Variants in CRY1 observed in about 807,000 individuals in gnomAD.
The protein encoded by CRY1 is cryptochrome-1.
A neutral mutation model predicts 76.0 loss-of-function variants in CRY1; 45 were observed. The observed-to-expected ratio is 0.59, with a 90% CI of 0.47 to 0.76. CRY1 has a LOEUF of 0.76. Among genes scored for constraint, CRY1 ranks in the 30% least tolerant of loss-of-function variants. The pLI is 0.00. For synonymous variants in CRY1, 248 were observed against 244.0 expected (o/e 1.02, Z -0.15); for missense variants, 587 against 716.4 (o/e 0.82, Z 2.06).
chr12:107,001,434 G>A (rs1392967276), intron 4 of CRY1, 66 bp from the exon 5 acceptor site: 3 of 1,338,472 alleles, frequency 2.2e-6, no homozygotes, highest in African/African-American at 1.5e-5. Flanking sequence ...CCCAATAACT[G>A]GGAGAACAAA....
intron 12 of CRY1, 159 bp downstream of exon 12, chr12:106,992,628 T>C: frequency 1.6e-6 from 1 of 636,622 alleles, no homozygotes. Flanking sequence ...TGCATGTCTC[T>C]TGACCAAAAA....
At chr12:107,005,019 C>T (rs1436418930) in intron 3 of CRY1, 87 bp downstream of exon 3, 103 of 1,267,500 alleles carry the variant, frequency 8.1e-5, no homozygotes, top group Non-Finnish European at 1.1e-4. Flanking sequence ...TAGTTAATAC[C>T]ACCGAACTAT....
chr12:107,059,369 A>G (rs759593567), intron 1 of CRY1, among the ~76,000 whole-genome samples: 2 of 152,118 alleles, frequency 1.3e-5, no homozygotes, highest in Non-Finnish European at 2.9e-5. Flanking sequence ...CTTCTGCCTC[A>G]GCCTCCTGAG....
chr12:107,002,441 A>G (rs1952322864), intron 3 of CRY1, among the ~76,000 whole-genome samples: 1 of 152,224 alleles, frequency 6.6e-6, no homozygotes, highest in Non-Finnish European at 1.5e-5. Flanking sequence ...ACAACACATT[A>G]TGGGATACAT....
At chr12:107,015,968 T>C (rs1952493682) in intron 2 of CRY1, among the ~76,000 whole-genome samples, 1 of 152,218 alleles carries the variant, frequency 6.6e-6, no homozygotes, top group South Asian at 2.1e-4. Flanking sequence ...TTTTTGTGTA[T>C]CACAATTACT....
At chr12:107,023,670 G>A (rs1367116784) in intron 1 of CRY1, among the ~76,000 whole-genome samples, 1 of 152,112 alleles carries the variant, frequency 6.6e-6, no homozygotes, top group African/African-American at 2.4e-5. Flanking sequence ...ATTTTTATGA[G>A]GATGTTAAAG....
At chr12:107,037,651 T>C (rs537150323) in intron 1 of CRY1, among the ~76,000 whole-genome samples, 8 of 152,274 alleles carry the variant, frequency 5.3e-5, no homozygotes, top group Admixed American at 2.0e-4. Context: ...TTGAAAGCTT[T>C]TGAGCAGAGG....
At chr12:107,057,158 T>C (rs1952994092) in intron 1 of CRY1, among the ~76,000 whole-genome samples, 1 of 152,138 alleles carries the variant, frequency 6.6e-6, no homozygotes, top group African/African-American at 2.4e-5. Context: ...GAGCAAATAG[T>C]TACATAAGCA....
At chr12:106,994,770 C>A (rs11829762) in intron 10 of CRY1, among the ~76,000 whole-genome samples, 20,943 of 152,162 alleles carry the variant, frequency 0.14, 2,574 homozygotes, top group African/African-American at 0.32. Flanking sequence ...TAGCCCATTG[C>A]TACCTGCCTG....
chr12:107,002,743 G>C (rs1190242516), intron 3 of CRY1, among the ~76,000 whole-genome samples: 1 of 152,130 alleles, frequency 6.6e-6, no homozygotes, highest in African/African-American at 2.4e-5. Context: ...CACATCATGG[G>C]AGGGACCCTG....
chr12:107,031,899 C>T (rs535891968), intron 1 of CRY1, among the ~76,000 whole-genome samples: 2 of 152,100 alleles, frequency 1.3e-5, no homozygotes, highest in African/African-American at 4.8e-5. Context: ...TGAATAAAGT[C>T]TGGAGTTTAG....
At chr12:107,026,746 A>C (rs1275771080) in intron 1 of CRY1, among the ~76,000 whole-genome samples, 1 of 138,886 alleles carries the variant, frequency 7.2e-6, no homozygotes, top group Admixed American at 7.2e-5. Flanking sequence ...AGAAGTTGTT[A>C]TTTTCCCTTG....
intron 1 of CRY1, among the ~76,000 whole-genome samples, chr12:107,072,419 T>C (rs1048471720): frequency 1.3e-5 from 2 of 152,172 alleles, no homozygotes; most frequent in African/African-American, 2.4e-5. Flanking sequence ...CAGTTTGATG[T>C]GTGGACTGGA....
intron 1 of CRY1, among the ~76,000 whole-genome samples, chr12:107,055,824 CA>C (rs966549720): frequency 8.8e-4 from 115 of 130,416 alleles, no homozygotes; most frequent in South Asian, 7.3e-4. Flanking sequence ...GACCCTGTCT[CA>C]AAAAAAAAAA....
At chr12:107,089,657 C>T (rs1433506591) in intron 1 of CRY1, among the ~76,000 whole-genome samples, 1 of 152,098 alleles carries the variant, frequency 6.6e-6, no homozygotes, top group Non-Finnish European at 1.5e-5. Context: ...GAAGAAAATA[C>T]AAGATAGCTT....
chr12:107,008,789 C>T (rs1468668765), intron 2 of CRY1, among the ~76,000 whole-genome samples: 9 of 152,116 alleles, frequency 5.9e-5, no homozygotes, highest in African/African-American at 1.9e-4. Context: ...GGGTGGGTTT[C>T]GCCCGTGCTG....
intron 1 of CRY1, among the ~76,000 whole-genome samples, chr12:107,070,289 T>C (rs1471778287): frequency 1.3e-5 from 2 of 152,202 alleles, no homozygotes; most frequent in Non-Finnish European, 2.9e-5. Flanking sequence ...ATACAGCTGT[T>C]AGAAGCAATG....
chr12:107,042,218 A>C (rs12298951), intron 1 of CRY1, among the ~76,000 whole-genome samples: 2,214 of 152,338 alleles, frequency 0.015, 67 homozygotes, highest in African/African-American at 0.051. Context: ...GAATGAAGGG[A>C]ATAGAAAAAT....
intron 12 of CRY1, 123 bp from the exon 13 acceptor site, chr12:106,992,124 T>C (rs950721967): frequency 6.6e-6 from 1 of 152,040 alleles, no homozygotes; most frequent in African/African-American, 2.4e-5. Flanking sequence ...TAGGTTGACA[T>C]AAAAAAACTA....
Sources: allele counts gnomAD v4.1 joint callset (sites outside exome capture counted in the v4.1 genomes callset), GRCh38; gene constraint gnomAD v4.1.1; transcripts MANE v1.5; gene names NCBI Gene and HGNC (gene_info 2026-07-23, HGNC 2026-07-21).